FANCI: variants seen among roughly 807,000 people sequenced by gnomAD.
FANCI encodes the protein Fanconi anemia group I protein.
FANCI carries 156 observed loss-of-function variants against 176.1 expected under a neutral mutation model. That is an observed-to-expected ratio of 0.89 (90% CI 0.78 to 1.01). The LOEUF (loss-of-function observed/expected upper bound fraction) is 1.01, where lower values mean the gene tolerates loss of function less well. Ranked by LOEUF, FANCI falls within the 50% of genes least tolerant of loss-of-function variation. The pLI, the probability that FANCI is intolerant of heterozygous loss-of-function variation, is 0.00. For synonymous variants in FANCI, 613 were observed against 541.7 expected, an observed-to-expected ratio of 1.13 and a Z score of -1.83; for missense variants, 1,678 against 1,534.1, an observed-to-expected ratio of 1.09 and a Z score of -1.57.
At position 89,260,857 on chromosome 15, in the gene FANCI, CA is replaced by C. The variant is rs1176029289; in HGVS notation, c.288+19del. 6 of 1,612,696 alleles carry C rather than the reference CA, an allele frequency of 3.7e-6. No homozygotes were observed. Among genetic ancestry groups the C allele is most frequent in the Non-Finnish European group, 5.1e-6 (6 of 1,179,198 alleles). On this transcript the variant is annotated intron_variant, in intron 4 of 37. Coordinates refer to ENST00000310775, the MANE Select transcript of FANCI (RefSeq NM_001113378.2). The stretch of plus-strand genomic sequence containing the variant: ...CTGATGCTGGAGGTAAGATGGCAAA[CA>C]AAAACTTTTATTTGGGGGTAGGTTT...
At position 89,281,318 on chromosome 15, in the gene FANCI, CAA is replaced by C. The variant is rs761278753; in HGVS notation, c.1512+19_1512+20del. ...CAGTGCAGGTAAGTCTTCAGATTCCCAAGTAACTTGCCAAAACTGAGGTTTAA... is the reference window on the plus strand; with the variant it reads ...CAGTGCAGGTAAGTCTTCAGATTCCCGTAACTTGCCAAAACTGAGGTTTAA... On this transcript the variant is annotated intron_variant, in intron 15 of 37. Coordinates refer to ENST00000310775, the MANE Select transcript of FANCI (RefSeq NM_001113378.2). 6.2e-7 allele frequency: 1 copy of C among 1,613,142 alleles called. No homozygotes were observed. The highest frequency in any genetic ancestry group is 1.3e-5 in the African/African-American group (1 of 74,894).
intron 37 of FANCI, among the ~76,000 whole-genome samples, chr15:89,316,089 C>G (rs2055236686): frequency 6.6e-6 from 1 of 152,232 alleles, no homozygotes. Flanking sequence ...ACCCACTTGG[C>G]AGCTGCACTC....
intron 8 of FANCI, 93 bp downstream of exon 8, chr15:89,264,119 A>ATGACCATTC: frequency 7.2e-7 from 1 of 1,387,580 alleles, no homozygotes; most frequent in South Asian, 1.2e-5. Context: ...ATAGCAGAGC[A>ATGACCATTC]AACATAGCCG....
rs1173483373 is a variant in FANCI at position 89,314,611 on chromosome 15, G to C, written c.3721-1G>C. On this transcript the variant is annotated splice_acceptor_variant, in intron 35 of 37. Coordinates refer to ENST00000310775, the MANE Select transcript of FANCI (RefSeq NM_001113378.2). LOFTEE classifies it high-confidence loss of function. ...TTAAGTCTTATGTTCTTTGCCCTTA[G>C]GCCAGAGTTCTTCGGGAAACCAAGC... The C allele has an allele frequency of 7.4e-6, 12 of 1,612,650 alleles. No individual in the cohort carries two copies. Among genetic ancestry groups the C allele is most frequent in the African/African-American group, 2.7e-5 (2 of 74,886 alleles).
intron 37 of FANCI, among the ~76,000 whole-genome samples, 179 bp downstream of exon 37, chr15:89,315,568 C>T (rs961566778): frequency 2.6e-5 from 4 of 152,204 alleles, no homozygotes; most frequent in Non-Finnish European, 5.9e-5. Context: ...ACACAAAATC[C>T]TATGAAGTTG....
chr15:89,295,815 C>T (rs142996176), intron 24 of FANCI, among the ~76,000 whole-genome samples: 1 of 146,584 alleles, frequency 6.8e-6, no homozygotes, highest in Admixed American at 7.0e-5. Flanking sequence ...GCTCTATTGC[C>T]CAGGGTGGAA....
chr15:89,282,538 A>T (rs1191678579), intron 16 of FANCI: 1 of 166,700 alleles, frequency 6.0e-6, no homozygotes, highest in East Asian at 1.6e-4. Context: ...TGGCCATATT[A>T]TAATATATTC....
chr15:89,255,681 G>A (rs1272849594), intron 2 of FANCI, among the ~76,000 whole-genome samples: 2 of 152,132 alleles, frequency 1.3e-5, no homozygotes, highest in Non-Finnish European at 2.9e-5. Context: ...AAATTTATTT[G>A]GATTATGCTG....
intron 14 of FANCI, among the ~76,000 whole-genome samples, chr15:89,279,938 A>G (rs899101654): frequency 1.2e-4 from 19 of 152,204 alleles, no homozygotes; most frequent in Non-Finnish European, 2.4e-4. Context: ...TTTAACCTGC[A>G]TATTACCACA....
intron 35 of FANCI, among the ~76,000 whole-genome samples, chr15:89,313,839 C>T (rs1596338371): frequency 6.6e-6 from 1 of 152,040 alleles, no homozygotes; most frequent in East Asian, 1.9e-4. Flanking sequence ...GTTCAGCTCT[C>T]TGGAATTATC....
intron 15 of FANCI, 111 bp from the exon 16 acceptor site, chr15:89,281,654 A>G (rs1320414074): frequency 6.0e-6 from 6 of 1,008,334 alleles, no homozygotes; most frequent in Non-Finnish European, 7.8e-6. Context: ...AAACGTATAT[A>G]AAACAGAAGT....
intron 17 of FANCI, among the ~76,000 whole-genome samples, chr15:89,284,754 A>G (rs1165950018): frequency 1.3e-5 from 2 of 152,250 alleles, no homozygotes; most frequent in African/African-American, 4.8e-5. Flanking sequence ...TAGCTATTGA[A>G]GAAGTCTTAG....
At chr15:89,316,264 GAGTGGGAA>G in intron 37 of FANCI, 125 bp from the exon 38 acceptor site, 1 of 892,824 alleles carries the variant, frequency 1.1e-6, no homozygotes, top group Non-Finnish European at 1.8e-6. Context: ...TACCTCCTGT[GAGTGGGAA>G]AGTGGGGAAA....
At chr15:89,312,820 A>T in intron 34 of FANCI, 84 bp from the exon 35 acceptor site, 2 of 1,083,012 alleles carry the variant, frequency 1.8e-6, no homozygotes, top group Non-Finnish European at 2.6e-6. Context: ...CTGTCTTAAA[A>T]AAAAAAAAAA....
chr15:89,280,018 T>G (rs2053557337), intron 14 of FANCI, among the ~76,000 whole-genome samples: 1 of 152,150 alleles, frequency 6.6e-6, no homozygotes, highest in Non-Finnish European at 1.5e-5. Context: ...AATTGTCAGC[T>G]CTTTTTGTTT....
chr15:89,279,152 TG>T (rs890588039), intron 14 of FANCI, among the ~76,000 whole-genome samples: 8 of 151,980 alleles, frequency 5.3e-5, no homozygotes, highest in Middle Eastern at 3.2e-3. Flanking sequence ...TTGTTGTTGT[TG>T]TTGTTGTTGT....
intron 18 of FANCI, among the ~76,000 whole-genome samples, chr15:89,288,337 C>A (rs541939401): frequency 5.9e-5 from 9 of 151,664 alleles, no homozygotes; most frequent in South Asian, 2.1e-4. Context: ...CCTTCCCCCC[C>A]AAAAAAAATC....
intron 24 of FANCI, among the ~76,000 whole-genome samples, chr15:89,296,972 C>CCA (rs1465637991): frequency 1.9e-5 from 2 of 106,652 alleles, no homozygotes; most frequent in African/African-American, 1.1e-4. Context: ...GGGGGGCTGA[C>CCA]CCCCCCCACC....
At chr15:89,267,524 G>A (rs957100681) in intron 9 of FANCI, among the ~76,000 whole-genome samples, 1 of 152,030 alleles carries the variant, frequency 6.6e-6, no homozygotes, top group Non-Finnish European at 1.5e-5. Context: ...GTGGGGGTGA[G>A]GGTAGAAAGA....
Sources: allele counts gnomAD v4.1 joint callset (sites outside exome capture counted in the v4.1 genomes callset), GRCh38; gene constraint gnomAD v4.1.1; transcripts MANE v1.5; gene names NCBI Gene and HGNC (gene_info 2026-07-23, HGNC 2026-07-21).